PPP3R1: variants seen among roughly 807,000 people sequenced by gnomAD.
The protein encoded by PPP3R1 is protein phosphatase 3 regulatory subunit B, alpha.
A neutral mutation model predicts 22.6 loss-of-function variants in PPP3R1; 5 were observed. That is an observed-to-expected ratio of 0.22 (90% CI 0.12 to 0.46). The LOEUF (loss-of-function observed/expected upper bound fraction) is 0.46, where lower values mean the gene tolerates loss of function less well. PPP3R1 is among the 20% of genes least tolerant of loss of function. PPP3R1 has a pLI of 0.99. For missense variants in PPP3R1, 61 were observed against 203.2 expected, an observed-to-expected ratio of 0.30 and a Z score of 4.25; for synonymous variants, 56 against 65.2, an observed-to-expected ratio of 0.86 and a Z score of 0.68.
chr2:68,234,034 G>A (rs900401846), intron 1 of PPP3R1, among the ~76,000 whole-genome samples: 1 of 152,036 alleles, frequency 6.6e-6, no homozygotes, highest in Non-Finnish European at 1.5e-5. Context: ...CAATCCCCTG[G>A]GTAAACAGAG....
intron 2 of PPP3R1, among the ~76,000 whole-genome samples, chr2:68,198,216 ATAC>A (rs1256576169): frequency 1.0e-4 from 14 of 135,438 alleles, no homozygotes; most frequent in Admixed American, 9.2e-4. Context: ...GCATACATAT[ATAC>A]ATTTTACATA....
At chr2:68,220,907 G>C (rs538182621) in intron 1 of PPP3R1, among the ~76,000 whole-genome samples, 154 of 152,298 alleles carry the variant, frequency 1.0e-3, no homozygotes, top group Middle Eastern at 6.8e-3. Context: ...GAGGAATGGT[G>C]AACAATTACT....
At chr2:68,192,427 G>A (rs1674684464) in intron 2 of PPP3R1, among the ~76,000 whole-genome samples, 1 of 152,102 alleles carries the variant, frequency 6.6e-6, no homozygotes, top group South Asian at 2.1e-4. Context: ...AATGGGAAGA[G>A]GAAAAGCAGA....
rs755255315 is a variant in PPP3R1 at position 68,186,664 on chromosome 2, G to A, written c.281-12C>T. The A allele has an allele frequency of 3.8e-6, 6 of 1,587,614 alleles. No homozygotes were observed. Among genetic ancestry groups the A allele is most frequent in the African/African-American group, 1.4e-5 (1 of 73,950 alleles). ...GATACGGAAAGCAACTAAAAAAAAG[G>A]AAGGAAAATCAATTCCAATTACAAA... On this transcript the variant is annotated splice_polypyrimidine_tract_variant and intron_variant, in intron 4 of 5. Coordinates refer to ENST00000234310, the MANE Select transcript of PPP3R1 (RefSeq NM_000945.4).
chr2:68,237,800 T>C (rs1670045704), intron 1 of PPP3R1, among the ~76,000 whole-genome samples: 1 of 152,118 alleles, frequency 6.6e-6, no homozygotes, highest in African/African-American at 2.4e-5. Context: ...GTGAAGGATA[T>C]CAAAGATGTA....
chr2:68,204,947 T>A (rs1284150217), intron 2 of PPP3R1, among the ~76,000 whole-genome samples: 1 of 152,248 alleles, frequency 6.6e-6, no homozygotes, highest in Non-Finnish European at 1.5e-5. Flanking sequence ...AGCCACTTAT[T>A]ATTAAAGTTT....
At chr2:68,235,752 T>C (rs1670008457) in intron 1 of PPP3R1, among the ~76,000 whole-genome samples, 1 of 152,212 alleles carries the variant, frequency 6.6e-6, no homozygotes, top group Admixed American at 6.5e-5. Context: ...ATGGTAACTC[T>C]ATGTTTGACA....
At chr2:68,184,076 C>G (rs1674478288) in intron 5 of PPP3R1, among the ~76,000 whole-genome samples, 1 of 152,204 alleles carries the variant, frequency 6.6e-6, no homozygotes, top group South Asian at 2.1e-4. Flanking sequence ...TACCTCATCT[C>G]TGCCTCATGT....
intron 2 of PPP3R1, among the ~76,000 whole-genome samples, chr2:68,189,685 T>C (rs1032638943): frequency 1.3e-5 from 2 of 152,020 alleles, no homozygotes; most frequent in African/African-American, 4.8e-5. Context: ...CTGGCCAACA[T>C]GGTAAAAACC....
At chr2:68,203,896 G>C (rs899309426) in intron 2 of PPP3R1, among the ~76,000 whole-genome samples, 5 of 152,178 alleles carry the variant, frequency 3.3e-5, no homozygotes, top group Non-Finnish European at 5.9e-5. Flanking sequence ...TTCAGAGTCT[G>C]CCAAGCTCTT....
chr2:68,207,718 T>C (rs1323057371), intron 2 of PPP3R1, among the ~76,000 whole-genome samples: 2 of 152,236 alleles, frequency 1.3e-5, no homozygotes, highest in African/African-American at 4.8e-5. Flanking sequence ...CCAACTCTAA[T>C]GCAGCCTAAA....
chr2:68,239,060 A>C (rs913988440), intron 1 of PPP3R1, among the ~76,000 whole-genome samples: 2 of 152,220 alleles, frequency 1.3e-5, no homozygotes, highest in African/African-American at 2.4e-5. Flanking sequence ...AAAAGATGTA[A>C]GGATTATTTG....
chr2:68,219,035 C>A (rs1336046292), intron 1 of PPP3R1, among the ~76,000 whole-genome samples: 1 of 152,168 alleles, frequency 6.6e-6, no homozygotes, highest in African/African-American at 2.4e-5. Context: ...AACACTACTG[C>A]AACCACAATC....
intron 1 of PPP3R1, among the ~76,000 whole-genome samples, chr2:68,237,301 T>G (rs1172891873): frequency 6.6e-6 from 1 of 152,128 alleles, no homozygotes; most frequent in Non-Finnish European, 1.5e-5. Context: ...TCAAACATCT[T>G]AAATAATTAC....
At position 68,182,076 on chromosome 2, in the gene PPP3R1, C is replaced by A. The variant is rs1354401097; in HGVS notation, c.466-1066G>T. Among the ~76,000 whole-genome samples, 22 of 69,254 alleles carry A rather than the reference C, an allele frequency of 3.2e-4. 3 individuals carry two copies. Among genetic ancestry groups the A allele is most frequent in the Non-Finnish European group, 5.4e-4 (22 of 40,980 alleles). The allele number at this position is 69,254 out of a possible 152,430, so 45.4% of individuals were successfully genotyped here. A position where few individuals can be genotyped will look rare whatever the true frequency, so the allele number is the denominator to read the frequency against. ...CAGACATCTCCCCTCCTCCAACCCC[C>A]CCCTCCCCCCACCACACACACACGA... On this transcript the variant is annotated intron_variant, in intron 5 of 5. Coordinates refer to ENST00000234310, the MANE Select transcript of PPP3R1 (RefSeq NM_000945.4).
chr2:68,222,347 T>C (rs1188752686), intron 1 of PPP3R1, among the ~76,000 whole-genome samples: 2 of 152,214 alleles, frequency 1.3e-5, no homozygotes, highest in African/African-American at 2.4e-5. Flanking sequence ...TGATGGTTAA[T>C]TTTGTGTCAA....
chr2:68,199,044 A>G (rs1318397435), intron 2 of PPP3R1, among the ~76,000 whole-genome samples: 1 of 152,036 alleles, frequency 6.6e-6, no homozygotes, highest in Non-Finnish European at 1.5e-5. Context: ...GCTCACTGCC[A>G]CCTCCGCCTC....
intron 2 of PPP3R1, among the ~76,000 whole-genome samples, chr2:68,198,525 G>T (rs1304635360): frequency 1.1e-5 from 1 of 91,488 alleles, no homozygotes; most frequent in South Asian, 5.0e-4. Flanking sequence ...ATGAATGAAT[G>T]AGTCTGGACC....
intron 2 of PPP3R1, among the ~76,000 whole-genome samples, chr2:68,211,239 T>C (rs887770424): frequency 6.6e-6 from 1 of 151,500 alleles, no homozygotes; most frequent in South Asian, 2.1e-4. Flanking sequence ...ACCCTGTCTC[T>C]ACTAAAAATA....
Sources: gnomAD v4.1 joint callset for allele counts (sites outside exome capture counted in the v4.1 genomes callset) on GRCh38, gnomAD v4.1.1 for gene constraint, MANE v1.5 for transcripts, NCBI Gene and HGNC (gene_info 2026-07-23, HGNC 2026-07-21) for gene names.